Variants in ADARB2 observed in about 807,000 individuals in gnomAD.
ADARB2 encodes the protein inactive double-stranded RNA-specific editase B2.
Under a neutral mutation model 62.2 loss-of-function variants are expected in ADARB2, and 25 were observed. The observed-to-expected ratio is 0.40, with a 90% CI of 0.29 to 0.56. The LOEUF (loss-of-function observed/expected upper bound fraction) is 0.56, where lower values mean the gene tolerates loss of function less well. Among genes scored for constraint, ADARB2 ranks in the 20% least tolerant of loss-of-function variants. The pLI, the probability that ADARB2 is intolerant of heterozygous loss-of-function variation, is 0.43. For synonymous variants in ADARB2, 572 were observed against 500.8 expected, an observed-to-expected ratio of 1.14 and a Z score of -1.90; for missense variants, 1,071 against 1,077.4, an observed-to-expected ratio of 0.99 and a Z score of 0.08.
chr10:1,296,536 G>A (rs1169694074), intron 3 of ADARB2, among the ~76,000 whole-genome samples: 1 of 152,196 alleles, frequency 6.6e-6, no homozygotes, highest in Non-Finnish European at 1.5e-5. Flanking sequence ...CCTGGTGCAT[G>A]GGAGTCTTCC....
Position 1,184,547 on chromosome 10 carries a change from C to CA in ADARB2, c.2043+313dup, listed in dbSNP as rs564961006. On this transcript the variant is annotated intron_variant, in intron 9 of 9. Transcript: ENST00000381312. The stretch of plus-strand genomic sequence containing the variant: ...GAATAGTATCGACTTCAAAAGTCCC[C>CA]AGGAGCTGCTTCTGGGACACCCCGA... Among the ~76,000 whole-genome samples, 485 of 152,312 alleles carry CA rather than the reference C, an allele frequency of 3.2e-3. 4 individuals are homozygous for CA. The highest frequency in any genetic ancestry group is 0.011 in the African/African-American group (463 of 41,570).
At chr10:1,234,414 G>C (rs1830842910) in intron 5 of ADARB2, among the ~76,000 whole-genome samples, 2 of 152,104 alleles carry the variant, frequency 1.3e-5, no homozygotes, top group Non-Finnish European at 2.9e-5. Context: ...TCTTACCCCC[G>C]CCTTGACATT....
intron 1 of ADARB2, among the ~76,000 whole-genome samples, chr10:1,726,748 G>C (rs1835170499): frequency 6.6e-6 from 1 of 152,182 alleles, no homozygotes; most frequent in South Asian, 2.1e-4. Context: ...TGGGGAGCTG[G>C]GGACCTGCTT....
At chr10:1,198,861 C>T (rs1250006570) in intron 8 of ADARB2, among the ~76,000 whole-genome samples, 3 of 152,228 alleles carry the variant, frequency 2.0e-5, no homozygotes, top group East Asian at 1.9e-4. Flanking sequence ...TGCCAGTGCC[C>T]AGGGAGGGCA....
chr10:1,623,767 G>GC (rs5782588), intron 1 of ADARB2, among the ~76,000 whole-genome samples: 109,631 of 152,142 alleles, frequency 0.72, 39,721 homozygotes, highest in African/African-American at 0.81. Flanking sequence ...CGAGGGCTGA[G>GC]TTTGCAGTCA....
intron 1 of ADARB2, among the ~76,000 whole-genome samples, chr10:1,505,510 C>T (rs925543122): frequency 2.0e-5 from 3 of 152,130 alleles, no homozygotes; most frequent in Non-Finnish European, 4.4e-5. Context: ...CACATCCACA[C>T]ACATCTTCCC....
chr10:1,242,033 G>T (rs1830929252), intron 5 of ADARB2, 98 bp downstream of exon 5: 1 of 1,292,994 alleles, frequency 7.7e-7, no homozygotes, highest in Admixed American at 2.3e-5. Flanking sequence ...CAGGATAGAG[G>T]GAAGCGTGTT....
intron 1 of ADARB2, among the ~76,000 whole-genome samples, chr10:1,468,936 C>T (rs1466310206): frequency 6.6e-6 from 1 of 152,230 alleles, no homozygotes; most frequent in Non-Finnish European, 1.5e-5. Context: ...CACATGAGAA[C>T]ACTGCAGCTT....
At chr10:1,546,740 C>T (rs559584914) in intron 1 of ADARB2, among the ~76,000 whole-genome samples, 4 of 152,348 alleles carry the variant, frequency 2.6e-5, no homozygotes, top group East Asian at 1.9e-4. Flanking sequence ...GTGAAAACAA[C>T]GCTGGGAGGT....
At chr10:1,358,366 G>T (rs867987291) in intron 3 of ADARB2, among the ~76,000 whole-genome samples, 1 of 152,138 alleles carries the variant, frequency 6.6e-6, no homozygotes, top group African/African-American at 2.4e-5. Flanking sequence ...TGAGAATGCG[G>T]AGCCAGGTCC....
intron 1 of ADARB2, among the ~76,000 whole-genome samples, chr10:1,573,647 G>C (rs914680868): frequency 6.6e-6 from 1 of 152,192 alleles, no homozygotes; most frequent in Admixed American, 6.5e-5. Context: ...TAGGCCTGAG[G>C]AAGAGCTCAG....
intron 4 of ADARB2, among the ~76,000 whole-genome samples, chr10:1,248,069 G>A (rs1428926800): frequency 6.6e-6 from 1 of 152,230 alleles, no homozygotes; most frequent in Admixed American, 6.5e-5. Context: ...AGGCTGGGTC[G>A]GGGATGCTCC....
chr10:1,207,202 C>T (rs1258095662), intron 7 of ADARB2, among the ~76,000 whole-genome samples: 1 of 152,028 alleles, frequency 6.6e-6, no homozygotes, highest in African/African-American at 2.4e-5. Flanking sequence ...CAAAAATTAG[C>T]CGGGAATGGT....
chr10:1,616,054 C>A (rs1833628227), intron 1 of ADARB2, among the ~76,000 whole-genome samples: 2 of 152,204 alleles, frequency 1.3e-5, no homozygotes, highest in Admixed American at 6.5e-5. Context: ...ATGCTGGTGG[C>A]AGGGGGAGGC....
At chr10:1,384,001 T>C (rs2131862516) in intron 1 of ADARB2, among the ~76,000 whole-genome samples, 1 of 152,396 alleles carries the variant, frequency 6.6e-6, no homozygotes, top group South Asian at 2.1e-4. Flanking sequence ...AGCATCTTTG[T>C]TTCTCGGGCC....
chr10:1,275,321 T>C (rs561853244), intron 3 of ADARB2, among the ~76,000 whole-genome samples: 53 of 152,182 alleles, frequency 3.5e-4, no homozygotes, highest in African/African-American at 9.4e-4. Flanking sequence ...GGCCGGACAG[T>C]TCCACCCACC....
intron 1 of ADARB2, among the ~76,000 whole-genome samples, chr10:1,714,830 A>G (rs1345351176): frequency 6.6e-6 from 1 of 152,240 alleles, no homozygotes; most frequent in Non-Finnish European, 1.5e-5. Flanking sequence ...CAGATGCTTC[A>G]GTGAAGCCTT....
intron 1 of ADARB2, among the ~76,000 whole-genome samples, chr10:1,405,891 C>T (rs556661416): frequency 8.6e-4 from 131 of 151,982 alleles, no homozygotes; most frequent in Middle Eastern, 3.4e-3. Context: ...CATGATGCAC[C>T]TGTTTATTAA....
chr10:1,676,057 G>A lies in ADARB2; in HGVS notation c.100+60994C>T, dbSNP rs553017503. The A allele has an allele frequency of 6.1e-6, 6 of 985,424 alleles. No homozygotes were observed. In the African/African-American group the frequency reaches 7.0e-5, roughly 11 times the overall value. The allele number at this position is 985,424 out of a possible 1,614,324, so 61.0% of individuals were successfully genotyped here. A position where few individuals can be genotyped will look rare whatever the true frequency, so the allele number is the denominator to read the frequency against. On this transcript the variant is annotated intron_variant, in intron 1 of 9. Transcript: ENST00000381312. ...TTTCTAACTCTTGACCTGAGCCCCT[G>A]TGCACAGGTGCTTCTGAGTCCAGGA...
Sources: allele counts gnomAD v4.1 joint callset (sites outside exome capture counted in the v4.1 genomes callset), GRCh38; gene constraint gnomAD v4.1.1; transcripts MANE v1.5; gene names NCBI Gene and HGNC (gene_info 2026-07-23, HGNC 2026-07-21).